LRRTM3: variants seen among roughly 807,000 people sequenced by gnomAD.
LRRTM3 encodes leucine-rich repeat transmembrane neuronal protein 3.
A neutral mutation model predicts 44.7 loss-of-function variants in LRRTM3; 24 were observed. The ratio of observed to expected loss-of-function variants is 0.54; its 90% CI spans 0.39 to 0.76. The LOEUF (loss-of-function observed/expected upper bound fraction) is 0.76, where lower values mean the gene tolerates loss of function less well. Among genes scored for constraint, LRRTM3 ranks in the 30% least tolerant of loss-of-function variants. The probability of loss-of-function intolerance (pLI) is 0.00; values close to 1 mark genes in which losing one functional copy is unlikely to be tolerated. For synonymous variants in LRRTM3, 277 were observed against 278.7 expected, an observed-to-expected ratio of 0.99 and a Z score of 0.06; for missense variants, 587 against 702.2, an observed-to-expected ratio of 0.84 and a Z score of 1.85.
intron 2 of LRRTM3, among the ~76,000 whole-genome samples, chr10:66,939,223 G>A (rs1847876186): frequency 6.6e-6 from 1 of 152,132 alleles, no homozygotes; most frequent in African/African-American, 2.4e-5. Flanking sequence ...AGATCATACA[G>A]AACTGAAGCA....
rs1444875125 is a variant in LRRTM3, at chr10:67,083,193, C to T, written c.1537-14394C>T. ...GAGAAAAAAAAAAACTTCCTTTATT[C>T]GAAACCACATTGCTAATGTCCTCAA... On this transcript the variant is annotated intron_variant, in intron 2 of 2. Coordinates refer to ENST00000361320, the MANE Select transcript of LRRTM3 (RefSeq NM_178011.5). 4.6e-5 allele frequency among the ~76,000 whole-genome samples: 7 copies of T among 152,100 alleles called. No homozygotes were observed. In the South Asian group the frequency reaches 6.2e-4, roughly 14 times the overall value.
At chr10:67,097,253 C>A (rs1021827612) in intron 2 of LRRTM3, among the ~76,000 whole-genome samples, 1 of 151,890 alleles carries the variant, frequency 6.6e-6, no homozygotes, top group African/African-American at 2.4e-5. Flanking sequence ...TAGTGTTTAT[C>A]AGTTCTAAAA....
intron 2 of LRRTM3, among the ~76,000 whole-genome samples, chr10:67,000,083 T>G (rs1851589405): frequency 6.6e-6 from 1 of 152,184 alleles, no homozygotes; most frequent in Non-Finnish European, 1.5e-5. Context: ...ATGATAGCAT[T>G]TTCTCCATAT....
At chr10:67,067,341 T>C (rs192346285) in intron 2 of LRRTM3, among the ~76,000 whole-genome samples, 51 of 152,316 alleles carry the variant, frequency 3.3e-4, no homozygotes, top group Non-Finnish European at 5.3e-4. Context: ...CAATAAACCA[T>C]ATACTAAGCA....
At chr10:66,948,629 A>G (rs376371649) in intron 2 of LRRTM3, among the ~76,000 whole-genome samples, 1 of 152,198 alleles carries the variant, frequency 6.6e-6, no homozygotes, top group Admixed American at 6.5e-5. Context: ...TATAAAATTT[A>G]TATCTACAGG....
rs142374022 is a variant in LRRTM3, at chr10:67,090,452, T to C, written c.1537-7135T>C. The stretch of plus-strand genomic sequence containing the variant: ...TGTTACAGAGAATCAGATGCCTATA[T>C]TGTGTTCACCTCTCTAGGTTCTAAG... On this transcript the variant is annotated intron_variant, in intron 2 of 2. Coordinates refer to ENST00000361320, the MANE Select transcript of LRRTM3 (RefSeq NM_178011.5). 2.5e-3 allele frequency among the ~76,000 whole-genome samples: 385 copies of C among 152,232 alleles called. 1 individual carries two copies. The highest frequency in any genetic ancestry group is 8.8e-3 in the African/African-American group (367 of 41,554).
At position 66,926,532 on chromosome 10, in the gene LRRTM3, G is replaced by A. The variant is rs1847083614; in HGVS notation, c.-52G>A. 7 of 1,609,872 alleles carry A rather than the reference G, an allele frequency of 4.3e-6. No homozygotes were observed. The highest frequency in any genetic ancestry group is 3.3e-4 in the Middle Eastern group (2 of 6,040). ...GCTGACAGGGGCTGTCATGCAACTG[G>A]CCCCTAAGCCAAAGCAAAAGACCTA... On this transcript the variant is annotated 5_prime_UTR_variant, in exon 1 of 3. Transcript: ENST00000361320.
intron 2 of LRRTM3, among the ~76,000 whole-genome samples, chr10:67,069,076 A>G (rs188852566): frequency 6.4e-4 from 98 of 152,124 alleles, no homozygotes; most frequent in African/African-American, 2.2e-3. Flanking sequence ...GTAAAAATAT[A>G]TATGAAAGAA....
rs994564005 is a variant in LRRTM3, at chr10:66,931,702, A to G, written c.1536+3250A>G. Among the ~76,000 whole-genome samples the G allele has an allele frequency of 2.0e-5, 3 of 152,132 alleles. No homozygotes were observed. The East Asian group carries it at 5.8e-4, about 29-fold the overall frequency. ...CATTTCCTTGGGAAATATAATTATA[A>G]TGTAATTTTTGAATGTTATACTTTT... On this transcript the variant is annotated intron_variant, in intron 2 of 2. Coordinates refer to ENST00000361320, the MANE Select transcript of LRRTM3 (RefSeq NM_178011.5).
intron 2 of LRRTM3, among the ~76,000 whole-genome samples, chr10:66,940,069 G>GTGTT (rs1331795712): frequency 6.6e-6 from 1 of 151,922 alleles, no homozygotes; most frequent in Non-Finnish European, 1.5e-5. Flanking sequence ...GTTAGGTTTT[G>GTGTT]TGTTTGTTTT....
At chr10:66,958,241 G>A (rs1848925674) in intron 2 of LRRTM3, among the ~76,000 whole-genome samples, 1 of 137,972 alleles carries the variant, frequency 7.2e-6, no homozygotes, top group Non-Finnish European at 1.5e-5. Context: ...GAAACAGGAA[G>A]ATTTAGCAAC....
intron 2 of LRRTM3, among the ~76,000 whole-genome samples, chr10:67,091,380 G>C (rs904402719): frequency 6.6e-6 from 1 of 151,584 alleles, no homozygotes; most frequent in Non-Finnish European, 1.5e-5. Context: ...ATATATTTAA[G>C]GAATATATGT....
At chr10:67,087,384 T>C (rs528147695) in intron 2 of LRRTM3, among the ~76,000 whole-genome samples, 18 of 151,920 alleles carry the variant, frequency 1.2e-4, no homozygotes, top group Non-Finnish European at 2.6e-4. Context: ...AGTTATTAGA[T>C]GATAAAGTGT....
chr10:66,931,138 T>A (rs1388655950), intron 2 of LRRTM3, among the ~76,000 whole-genome samples: 3 of 151,326 alleles, frequency 2.0e-5, no homozygotes, highest in Non-Finnish European at 2.9e-5. Flanking sequence ...GATATTTATT[T>A]TTCTAGTACG....
At chr10:67,066,427 G>A (rs549892467) in intron 2 of LRRTM3, among the ~76,000 whole-genome samples, 14 of 151,394 alleles carry the variant, frequency 9.2e-5, no homozygotes, top group Non-Finnish European at 1.5e-4. Context: ...TCTTGACCTC[G>A]TGATCCGCCT....
intron 2 of LRRTM3, among the ~76,000 whole-genome samples, chr10:67,042,198 C>A (rs1854436957): frequency 6.6e-6 from 1 of 151,956 alleles, no homozygotes; most frequent in Admixed American, 6.6e-5. Flanking sequence ...TGTTAGAGGG[C>A]TAATTTGAGG....
At chr10:66,936,055 C>T (rs1847677729) in intron 2 of LRRTM3, among the ~76,000 whole-genome samples, 1 of 152,148 alleles carries the variant, frequency 6.6e-6, no homozygotes, top group African/African-American at 2.4e-5. Context: ...CCACTCCAGC[C>T]TATCTCATGT....
intron 2 of LRRTM3, among the ~76,000 whole-genome samples, chr10:67,057,709 G>C (rs1330748478): frequency 6.6e-6 from 1 of 152,044 alleles, no homozygotes; most frequent in Admixed American, 6.6e-5. Flanking sequence ...GCCCTGTCCT[G>C]ATCACCATTT....
chr10:67,085,865 T>C (rs1440004837), intron 2 of LRRTM3, among the ~76,000 whole-genome samples: 4 of 152,020 alleles, frequency 2.6e-5, no homozygotes, highest in Non-Finnish European at 4.4e-5. Flanking sequence ...TTAATATCAA[T>C]GAAATAACAG....
Sources: allele counts gnomAD v4.1 joint callset (sites outside exome capture counted in the v4.1 genomes callset), GRCh38; gene constraint gnomAD v4.1.1; transcripts MANE v1.5; gene names NCBI Gene and HGNC (gene_info 2026-07-23, HGNC 2026-07-21).